Variants in NDUFAF6 observed in about 807,000 individuals in gnomAD.
NDUFAF6 encodes NADH:ubiquinone oxidoreductase complex assembly factor 6.
NDUFAF6 carries 45 observed loss-of-function variants against 40.8 expected under a neutral mutation model. The ratio of observed to expected loss-of-function variants is 1.10; its 90% CI spans 0.87 to 1.42. The LOEUF (loss-of-function observed/expected upper bound fraction) is 1.42. Ranked by LOEUF, NDUFAF6 falls within the 40% of genes most tolerant of loss-of-function variation. The pLI is 0.00. For synonymous variants in NDUFAF6, 185 were observed against 155.9 expected (o/e 1.19, Z -1.39); for missense variants, 435 against 418.5 (o/e 1.04, Z -0.34).
chr8:95,045,028 C>T (rs1830574631), intron 4 of NDUFAF6, among the ~76,000 whole-genome samples: 1 of 150,550 alleles, frequency 6.6e-6, no homozygotes, highest in Admixed American at 6.7e-5. Context: ...ACCTTTTCCT[C>T]ATTGAGCATG....
chr8:95,071,994 C>G (rs1218033200), intron 9 of NDUFAF6: 1 of 152,188 alleles, frequency 6.6e-6, no homozygotes, highest in Non-Finnish European at 1.5e-5. Context: ...CACTCACATC[C>G]CCTTCTTTCA....
At chr8:94,896,192 T>C (rs1449250869) in intron 1 of NDUFAF6, among the ~76,000 whole-genome samples, 1 of 151,168 alleles carries the variant, frequency 6.6e-6, no homozygotes, top group African/African-American at 2.4e-5. Context: ...CTGAGCGCGG[T>C]GGTCCCCGGG....
chr8:94,996,220 A>G (rs983537297), intron 2 of NDUFAF6, among the ~76,000 whole-genome samples: 18 of 152,162 alleles, frequency 1.2e-4, no homozygotes, highest in Admixed American at 3.3e-4. Context: ...CATACACAAC[A>G]ACCAGCTTAG....
At chr8:94,928,782 G>C (rs1820121635) in intron 1 of NDUFAF6, 1 of 152,158 alleles carries the variant, frequency 6.6e-6, no homozygotes, top group South Asian at 2.1e-4. Flanking sequence ...AGTCCCCCAG[G>C]GTTCCCTGCA....
intron 3 of NDUFAF6, among the ~76,000 whole-genome samples, chr8:95,038,077 G>A (rs1829711749): frequency 6.6e-6 from 1 of 152,080 alleles, no homozygotes; most frequent in Non-Finnish European, 1.5e-5. Context: ...CTAGAGATGA[G>A]GTCTCACTGT....
At chr8:95,016,182 A>G (rs1218789239) in intron 2 of NDUFAF6, among the ~76,000 whole-genome samples, 1 of 152,242 alleles carries the variant, frequency 6.6e-6, no homozygotes, top group Non-Finnish European at 1.5e-5. Context: ...ACAAAGTGAT[A>G]AAAGTGTTCA....
chr8:94,959,431 T>C (rs990253915), intron 1 of NDUFAF6, among the ~76,000 whole-genome samples: 5 of 152,160 alleles, frequency 3.3e-5, no homozygotes, highest in African/African-American at 7.2e-5. Flanking sequence ...ATTTGCCTAA[T>C]TGACAACTAA....
At chr8:94,909,348 C>CAAAAAAAAAAAAAAAAAAAAAA (rs556065794) in intron 1 of NDUFAF6, among the ~76,000 whole-genome samples, 2 of 91,924 alleles carry the variant, frequency 2.2e-5, no homozygotes, top group Non-Finnish European at 4.0e-5. Context: ...GACTCCGTCT[C>CAAAAAAAAAAAAAAAAAAAAAA]AAAAAAAAAA....
intron 9 of NDUFAF6, among the ~76,000 whole-genome samples, chr8:95,070,623 A>G (rs1189434050): frequency 3.9e-5 from 6 of 152,220 alleles, no homozygotes; most frequent in Non-Finnish European, 8.8e-5. Flanking sequence ...AGATATACAT[A>G]AAACAAAACA....
chr8:95,106,946 A>T (rs1028616184), downstream of NDUFAF6, among the ~76,000 whole-genome samples: 1 of 152,232 alleles, frequency 6.6e-6, no homozygotes, highest in African/African-American at 2.4e-5. Flanking sequence ...ACCATCTTAC[A>T]CCAGTTAGAA....
intron 2 of NDUFAF6, among the ~76,000 whole-genome samples, chr8:95,102,798 C>A (rs954296438): frequency 1.3e-5 from 2 of 152,124 alleles, no homozygotes. Flanking sequence ...TGTATGTCTT[C>A]TGCAGTGTCT....
At chr8:94,956,660 G>A (rs1199817971), upstream of NDUFAF6, among the ~76,000 whole-genome samples, 1 of 152,196 alleles carries the variant, frequency 6.6e-6, no homozygotes, top group African/African-American at 2.4e-5. Flanking sequence ...TGGGTAGATG[G>A]AAGGCAAGGA....
intron 1 of NDUFAF6, among the ~76,000 whole-genome samples, chr8:95,028,503 T>G (rs1454487419): frequency 6.6e-6 from 1 of 152,252 alleles, no homozygotes; most frequent in Non-Finnish European, 1.5e-5. Context: ...TAGAAAAATT[T>G]CCATCCAAAA....
downstream of NDUFAF6, among the ~76,000 whole-genome samples, chr8:95,062,328 G>A (rs1285328862): frequency 2.0e-5 from 3 of 152,154 alleles, 1 homozygote; most frequent in South Asian, 4.1e-4. Context: ...TGAGGAATAA[G>A]TGAATTTCTC....
chr8:94,947,870 A>G (rs1204278579), intron 2 of NDUFAF6, among the ~76,000 whole-genome samples: 1 of 152,234 alleles, frequency 6.6e-6, no homozygotes, highest in Non-Finnish European at 1.5e-5. Flanking sequence ...GCCTTTTAAA[A>G]TTATGCTGCC....
At chr8:94,957,510 T>G (rs1459363934), upstream of NDUFAF6, among the ~76,000 whole-genome samples, 1 of 152,154 alleles carries the variant, frequency 6.6e-6, no homozygotes, top group African/African-American at 2.4e-5. Flanking sequence ...GACAGCGTGG[T>G]AGCCTGATCC....
intron 9 of NDUFAF6, among the ~76,000 whole-genome samples, chr8:95,065,402 T>C (rs1228715316): frequency 1.3e-5 from 2 of 152,248 alleles, no homozygotes; most frequent in Non-Finnish European, 2.9e-5. Context: ...CACATATTTC[T>C]ACTGACAACC....
intron 2 of NDUFAF6, among the ~76,000 whole-genome samples, chr8:95,093,597 C>A (rs1170127065): frequency 6.6e-6 from 1 of 152,186 alleles, no homozygotes. Context: ...CACTCCCTGT[C>A]CCCTTTTTGT....
At chr8:94,977,888 A>G (rs575528317) in intron 1 of NDUFAF6, among the ~76,000 whole-genome samples, 11 of 152,118 alleles carry the variant, frequency 7.2e-5, no homozygotes, top group Non-Finnish European at 1.2e-4. Context: ...TGACATTATG[A>G]TATAATAAAA....
Sources: gnomAD v4.1 joint callset for allele counts (sites outside exome capture counted in the v4.1 genomes callset) on GRCh38, gnomAD v4.1.1 for gene constraint, MANE v1.5 for transcripts, NCBI Gene and HGNC (gene_info 2026-07-23, HGNC 2026-07-21) for gene names.